The following ANKRD13C variants were observed in gnomAD, a reference collection of about 807,000 sequenced individuals.
The protein encoded by ANKRD13C is ankyrin repeat domain-containing protein 13C.
A neutral mutation model predicts 65.5 loss-of-function variants in ANKRD13C; 16 were observed. The ratio of observed to expected loss-of-function variants is 0.24; its 90% CI spans 0.17 to 0.37. ANKRD13C has a LOEUF of 0.37. ANKRD13C is among the 10% of genes least tolerant of loss of function. The probability of loss-of-function intolerance (pLI) is 1.00; values close to 1 mark genes in which losing one functional copy is unlikely to be tolerated. For missense variants in ANKRD13C, 503 were observed against 655.9 expected (o/e 0.77, Z 2.55); for synonymous variants, 235 against 238.7 (o/e 0.98, Z 0.14).
intron 7 of ANKRD13C, among the ~76,000 whole-genome samples, chr1:70,297,850 T>C (rs545659903): frequency 3.6e-4 from 54 of 148,216 alleles, no homozygotes; most frequent in Non-Finnish European, 6.2e-4. Flanking sequence ...GAGGTGGAGG[T>C]TGCGGTGAGC....
At chr1:70,287,540 G>A (rs144385689) in intron 9 of ANKRD13C, among the ~76,000 whole-genome samples, 62 of 152,242 alleles carry the variant, frequency 4.1e-4, no homozygotes, top group African/African-American at 1.2e-3. Context: ...TAGGCAAAAA[G>A]TTCTCAGATT....
intron 6 of ANKRD13C, among the ~76,000 whole-genome samples, chr1:70,301,730 G>A (rs563737259): frequency 1.2e-4 from 19 of 152,126 alleles, no homozygotes; most frequent in Non-Finnish European, 2.6e-4. Flanking sequence ...AGCCTAATGC[G>A]CTGGTCTCAA....
intron 2 of ANKRD13C, among the ~76,000 whole-genome samples, chr1:70,333,513 C>T (rs1384897607): frequency 6.6e-6 from 1 of 152,176 alleles, no homozygotes; most frequent in Non-Finnish European, 1.5e-5. Flanking sequence ...CTAGCTAAAG[C>T]TAATTTCACA....
chr1:70,298,574 T>C (rs1271131271), intron 7 of ANKRD13C, among the ~76,000 whole-genome samples: 1 of 152,204 alleles, frequency 6.6e-6, no homozygotes, highest in Non-Finnish European at 1.5e-5. Flanking sequence ...TCTTTGGTAA[T>C]ACTATGACAT....
At chr1:70,282,954 A>G (rs548113556) in intron 9 of ANKRD13C, among the ~76,000 whole-genome samples, 1 of 142,076 alleles carries the variant, frequency 7.0e-6, no homozygotes, top group Non-Finnish European at 1.6e-5. Flanking sequence ...TTTTCAGGTA[A>G]TAACTTTTCC....
chr1:70,285,478 A>C (rs1338558436), intron 9 of ANKRD13C, among the ~76,000 whole-genome samples: 2 of 151,974 alleles, frequency 1.3e-5, no homozygotes, highest in African/African-American at 4.8e-5. Context: ...TACAGGCGTA[A>C]GCCACTGCAC....
intron 9 of ANKRD13C, among the ~76,000 whole-genome samples, chr1:70,285,023 C>T (rs1438289555): frequency 6.6e-6 from 1 of 152,056 alleles, no homozygotes; most frequent in Admixed American, 6.6e-5. Flanking sequence ...AAATATAATG[C>T]TTTCCACACA....
At chr1:70,297,286 G>GGTTTTTTT (rs1558281019) in intron 7 of ANKRD13C, among the ~76,000 whole-genome samples, 5,142 of 124,372 alleles carry the variant, frequency 0.041, 298 homozygotes, top group East Asian at 0.17. Flanking sequence ...GTCCCTTTCT[G>GGTTTTTTT]ATTTTTTTTT....
At position 70,260,192 on chromosome 1, in the gene ANKRD13C, T is replaced by C. The variant is rs1220111691; in HGVS notation, c.*2525A>G. ...TCCAAACCATCATCTGTACTTCTTA[T>C]ACTCACAAAAATCAGGGCATCTACT... On this transcript the variant is annotated 3_prime_UTR_variant, in exon 13 of 13. Coordinates refer to ENST00000370944, the MANE Select transcript of ANKRD13C (RefSeq NM_030816.5). Among the ~76,000 whole-genome samples, 1 of 152,186 alleles carries C rather than the reference T, an allele frequency of 6.6e-6. No individual in the cohort carries two copies. Among genetic ancestry groups the C allele is most frequent in the African/African-American group, 2.4e-5 (1 of 41,454 alleles).
chr1:70,319,652 CTTTT>C lies in ANKRD13C; in HGVS notation c.578-4090_578-4087del, dbSNP rs57930157. ...ATACATATTGTTCCCTAGCATATGC[CTTTT>C]TTTTTTTTTAATATTTCCATGCTTT... On this transcript the variant is annotated intron_variant, in intron 3 of 12. Coordinates refer to ENST00000370944, the MANE Select transcript of ANKRD13C (RefSeq NM_030816.5). Among the ~76,000 whole-genome samples, 6 of 140,150 alleles carry C rather than the reference CTTTT, an allele frequency of 4.3e-5. 1 individual carries two copies. The highest frequency in any genetic ancestry group is 7.4e-5 in the Admixed American group (1 of 13,540). The allele number at this position is 140,150 out of a possible 152,430, so 91.9% of individuals were successfully genotyped here. A position where few individuals can be genotyped will look rare whatever the true frequency, so the allele number is the denominator to read the frequency against.
At position 70,276,752 on chromosome 1, in the gene ANKRD13C, G is replaced by T; in HGVS notation, c.1295+13C>A. On this transcript the variant is annotated intron_variant, in intron 10 of 12. Transcript: ENST00000370944. ...TAAAAACCAAATAACACATAAACAA[G>T]AAAAAAACTTACTTTCCATTTTCAG... 1 of 1,564,290 alleles carries T rather than the reference G, an allele frequency of 6.4e-7. No homozygotes were observed.
At chr1:70,316,406 G>A (rs919428424) in intron 3 of ANKRD13C, among the ~76,000 whole-genome samples, 8 of 151,846 alleles carry the variant, frequency 5.3e-5, no homozygotes, top group African/African-American at 1.7e-4. Flanking sequence ...TAGAAGTAAG[G>A]GCACAGTGGT....
intron 5 of ANKRD13C, among the ~76,000 whole-genome samples, chr1:70,310,499 A>G (rs180789505): frequency 6.6e-6 from 1 of 152,344 alleles, no homozygotes; most frequent in East Asian, 1.9e-4. Context: ...CATCAAAGTC[A>G]AATTCTCAAA....
chr1:70,352,899 T>C (rs188399275), intron 1 of ANKRD13C, among the ~76,000 whole-genome samples: 9 of 152,320 alleles, frequency 5.9e-5, no homozygotes, highest in African/African-American at 1.7e-4. Context: ...TAGATAATTA[T>C]ACAGCCAAGA....
chr1:70,311,290 C>T (rs914219518), intron 5 of ANKRD13C, among the ~76,000 whole-genome samples: 3 of 151,940 alleles, frequency 2.0e-5, no homozygotes, highest in Non-Finnish European at 2.9e-5. Context: ...GTCAGGAGTT[C>T]GAGACCAGCC....
Position 70,262,592 on chromosome 1 carries a change from GA to G in ANKRD13C, c.*124del. On this transcript the variant is annotated 3_prime_UTR_variant, in exon 13 of 13. Coordinates refer to ENST00000370944, the MANE Select transcript of ANKRD13C (RefSeq NM_030816.5). Reference sequence around the variant, plus strand: ...GCCCATTTCACTGTATCGTATTACTGATGTGTCGATTCAATGTGTAATTCCC... The same window carrying G: ...GCCCATTTCACTGTATCGTATTACTGTGTGTCGATTCAATGTGTAATTCCC... The G allele has an allele frequency of 9.4e-7, 1 of 1,067,960 alleles. No homozygotes were observed. Among genetic ancestry groups the G allele is most frequent in the East Asian group, 2.5e-5 (1 of 39,356 alleles). 66.2% of individuals were successfully genotyped at this position (1,067,960 alleles called of 1,614,324 possible).
At chr1:70,335,989 G>C (rs1682007720) in intron 2 of ANKRD13C, 69 bp downstream of exon 2, 2 of 472,930 alleles carry the variant, frequency 4.2e-6, no homozygotes, top group Non-Finnish European at 6.9e-6. Context: ...AGACAAAACT[G>C]ATCTTAAAAA....
intron 5 of ANKRD13C, among the ~76,000 whole-genome samples, chr1:70,311,631 G>A (rs1680854169): frequency 6.6e-6 from 1 of 152,114 alleles, no homozygotes; most frequent in African/African-American, 2.4e-5. Context: ...CATACGAAAT[G>A]TTAACAATAG....
At chr1:70,347,199 C>T (rs1682570830) in intron 1 of ANKRD13C, among the ~76,000 whole-genome samples, 1 of 151,554 alleles carries the variant, frequency 6.6e-6, no homozygotes, top group Non-Finnish European at 1.5e-5. Context: ...TTTTTCCTAT[C>T]CCTATTTTAC....
Sources: allele counts gnomAD v4.1 joint callset (sites outside exome capture counted in the v4.1 genomes callset), GRCh38; gene constraint gnomAD v4.1.1; transcripts MANE v1.5; gene names NCBI Gene and HGNC (gene_info 2026-07-23, HGNC 2026-07-21).